PCDH15: variants seen among roughly 807,000 people sequenced by gnomAD.
The protein encoded by PCDH15 is protocadherin-15.
PCDH15 carries 129 observed loss-of-function variants against 178.5 expected under a neutral mutation model. The observed-to-expected ratio is 0.72, with a 90% CI of 0.63 to 0.84. The LOEUF is 0.84. Ranked by LOEUF, PCDH15 falls within the 40% of genes least tolerant of loss-of-function variation. PCDH15 has a pLI of 0.00. For missense variants in PCDH15, 2,230 were observed against 2,099.9 expected, an observed-to-expected ratio of 1.06 and a Z score of -1.21; for synonymous variants, 800 against 732.0, an observed-to-expected ratio of 1.09 and a Z score of -1.50.
intron 2 of PCDH15, among the ~76,000 whole-genome samples, chr10:55,487,670 C>T (rs1231222018): frequency 6.6e-6 from 1 of 151,556 alleles, no homozygotes; most frequent in Admixed American, 6.6e-5. Context: ...TTTGATGGCA[C>T]AATAACATGC....
chr10:55,116,987 C>T (rs2132061890), intron 2 of PCDH15, among the ~76,000 whole-genome samples: 1 of 152,286 alleles, frequency 6.6e-6, no homozygotes, highest in Middle Eastern at 3.4e-3. Context: ...TTAGGTGACA[C>T]TTTTGTTGTC....
At chr10:54,185,979 C>A (rs556671619) in intron 11 of PCDH15, among the ~76,000 whole-genome samples, 1 of 151,992 alleles carries the variant, frequency 6.6e-6, no homozygotes, top group African/African-American at 2.4e-5. Context: ...GTCTGAGAGA[C>A]AATCAACTTA....
intron 2 of PCDH15, among the ~76,000 whole-genome samples, chr10:55,049,441 T>C (rs923865941): frequency 1.3e-5 from 2 of 150,614 alleles, no homozygotes; most frequent in African/African-American, 4.9e-5. Context: ...AAAAGGAACA[T>C]CTTAGTTTTT....
chr10:54,309,569 A>C (rs2060772927), intron 8 of PCDH15, among the ~76,000 whole-genome samples: 1 of 152,060 alleles, frequency 6.6e-6, no homozygotes, highest in Non-Finnish European at 1.5e-5. Context: ...CAAGGCAGGT[A>C]GATCATCTGA....
chr10:55,018,551 GGA>G (rs1169466247), intron 2 of PCDH15, among the ~76,000 whole-genome samples: 2 of 151,874 alleles, frequency 1.3e-5, no homozygotes, highest in African/African-American at 4.8e-5. Flanking sequence ...CAGCAGATGT[GGA>G]ACCCAGGGAT....
intron 2 of PCDH15, among the ~76,000 whole-genome samples, chr10:55,621,837 A>G (rs985314430): frequency 1.3e-5 from 2 of 151,136 alleles, no homozygotes; most frequent in African/African-American, 4.9e-5. Flanking sequence ...ATATAGGAAA[A>G]AACTCTAACA....
intron 9 of PCDH15, among the ~76,000 whole-genome samples, chr10:54,235,072 T>G (rs1276156402): frequency 1.3e-5 from 2 of 152,166 alleles, no homozygotes; most frequent in Admixed American, 1.3e-4. Flanking sequence ...CCCGGAGATA[T>G]CAACGAGAAT....
intron 2 of PCDH15, among the ~76,000 whole-genome samples, chr10:55,121,361 G>T (rs925828632): frequency 2.0e-5 from 3 of 150,628 alleles, no homozygotes; most frequent in Admixed American, 2.0e-4. Flanking sequence ...TCAGAGCTGG[G>T]GGGGGGCAAT....
intron 25 of PCDH15, among the ~76,000 whole-genome samples, chr10:53,903,992 A>G (rs2082502089): frequency 1.3e-5 from 2 of 152,180 alleles, no homozygotes; most frequent in African/African-American, 4.8e-5. Context: ...TGACTCATAA[A>G]TGCTGCATTT....
rs1840073405 is a variant in PCDH15 at position 55,476,933 on chromosome 10, A to G, written c.-156+150692T>C. Among the ~76,000 whole-genome samples, 3 of 151,904 alleles carry G rather than the reference A, an allele frequency of 2.0e-5. No homozygotes were observed. In the South Asian group the frequency reaches 6.2e-4, roughly 31 times the overall value. ...CAGACTAAGAAAAAAATCCAGTTTTATTTCATATTTCTGACCTTCATGATG... is the reference window on the plus strand; with the variant it reads ...CAGACTAAGAAAAAAATCCAGTTTTGTTTCATATTTCTGACCTTCATGATG... On this transcript the variant is annotated intron_variant, in intron 2 of 5. Coordinates refer to the PCDH15 transcript ENST00000613346.
intron 2 of PCDH15, among the ~76,000 whole-genome samples, chr10:55,159,369 CTA>C (rs1174815209): frequency 0.14 from 2,936 of 20,852 alleles, 33 homozygotes; most frequent in Non-Finnish European, 0.25. Flanking sequence ...ATCTATCTAT[CTA>C]TATATATATA....
chr10:55,056,352 T>C (rs528837487), intron 2 of PCDH15, among the ~76,000 whole-genome samples: 113 of 152,230 alleles, frequency 7.4e-4, no homozygotes, highest in African/African-American at 2.5e-3. Context: ...ATGATCATTA[T>C]AGTCCAGCCA....
intron 8 of PCDH15, among the ~76,000 whole-genome samples, chr10:54,310,513 C>T (rs2060839064): frequency 6.6e-6 from 1 of 151,892 alleles, no homozygotes; most frequent in South Asian, 2.1e-4. Flanking sequence ...CAATAATGAC[C>T]ACAGGAGTAA....
At position 55,396,994 on chromosome 10, in the gene PCDH15, A is replaced by G. The variant is rs146931698; in HGVS notation, c.-155-230343T>C. Among the ~76,000 whole-genome samples, 544 of 152,308 alleles carry G rather than the reference A, an allele frequency of 3.6e-3. 2 individuals carry two copies. The highest frequency in any genetic ancestry group is 0.013 in the African/African-American group (525 of 41,584). ...TCACACAGTGTGAGTATCCTTAGAA[A>G]TAGAATGTTTCAGTATTGTGGGGAC... On this transcript the variant is annotated intron_variant, in intron 2 of 5. Coordinates refer to the PCDH15 transcript ENST00000613346.
chr10:55,520,181 TGTGTATATATATATACACGCA>T (rs1263297161), intron 2 of PCDH15, among the ~76,000 whole-genome samples: 6 of 69,110 alleles, frequency 8.7e-5, no homozygotes, highest in East Asian at 4.3e-4. Context: ...ATACACGCAA[TGTGTATATATATATACACGCA>T]ATGTGTATAT....
chr10:55,399,927 AT>A (rs1179560545), intron 2 of PCDH15, among the ~76,000 whole-genome samples: 1 of 152,132 alleles, frequency 6.6e-6, no homozygotes, highest in East Asian at 1.9e-4. Flanking sequence ...TTATTTTGGC[AT>A]TTTGAGTTTC....
At chr10:54,217,839 T>C (rs962875777) in intron 9 of PCDH15, among the ~76,000 whole-genome samples, 1 of 152,216 alleles carries the variant, frequency 6.6e-6, no homozygotes, top group Non-Finnish European at 1.5e-5. Flanking sequence ...GTGAAACATC[T>C]GCTCACACTA....
intron 3 of PCDH15, among the ~76,000 whole-genome samples, chr10:54,461,571 T>G (rs138908243): frequency 3.9e-5 from 6 of 152,244 alleles, no homozygotes; most frequent in African/African-American, 1.2e-4. Flanking sequence ...GCAACACATG[T>G]TGTCAACAAC....
intron 15 of PCDH15, among the ~76,000 whole-genome samples, chr10:54,104,523 C>T (rs1250204816): frequency 2.0e-5 from 3 of 152,114 alleles, no homozygotes; most frequent in Admixed American, 6.6e-5. Flanking sequence ...TCAGTATCTG[C>T]TTCTGAAGCC....
Sources: allele counts gnomAD v4.1 joint callset (sites outside exome capture counted in the v4.1 genomes callset), GRCh38; gene constraint gnomAD v4.1.1; transcripts MANE v1.5; gene names NCBI Gene and HGNC (gene_info 2026-07-23, HGNC 2026-07-21).